Variants in TUBB3 observed in about 807,000 individuals in gnomAD.
The protein encoded by TUBB3 is tubulin beta 3 class III.
Under a neutral mutation model 37.8 loss-of-function variants are expected in TUBB3, and 17 were observed. The ratio of observed to expected loss-of-function variants is 0.45; its 90% CI spans 0.31 to 0.67. The LOEUF is 0.67. Among genes scored for constraint, TUBB3 ranks in the 30% least tolerant of loss-of-function variants. TUBB3 has a pLI of 0.07. For synonymous variants in TUBB3, 332 were observed against 278.9 expected (o/e 1.19, Z -1.90); for missense variants, 262 against 657.9 (o/e 0.40, Z 6.58).
intron 3 of TUBB3, 170 bp from the exon 4 acceptor site, chr16:89,934,559 C>G: frequency 1.4e-6 from 1 of 706,580 alleles, no homozygotes; most frequent in Non-Finnish European, 2.5e-6. Flanking sequence ...AGCATCGGCT[C>G]AGGGAAGCCA....
At chr16:89,934,701 G>C (rs778174207) in intron 3 of TUBB3, 28 bp from the exon 4 acceptor site, 2 of 1,610,832 alleles carry the variant, frequency 1.2e-6, no homozygotes, top group Non-Finnish European at 1.7e-6. Flanking sequence ...CCTGGCCCCT[G>C]TCTCTTACCC....
intron 1 of TUBB3, chr16:89,932,054 T>A (rs1222892863): frequency 3.4e-6 from 1 of 292,624 alleles, no homozygotes; most frequent in African/African-American, 2.2e-5. Context: ...GCCAGTAATG[T>A]CCTGGCACCA....
At chr16:89,929,824 C>A (rs2030217835) in intron 1 of TUBB3, among the ~76,000 whole-genome samples, 1 of 152,088 alleles carries the variant, frequency 6.6e-6, no homozygotes, top group African/African-American at 2.4e-5. Flanking sequence ...CCTCAGCCTC[C>A]CAAGCAGCTG....
At chr16:89,923,758 C>T (rs1288731478) in intron 1 of TUBB3, among the ~76,000 whole-genome samples, 3 of 152,178 alleles carry the variant, frequency 2.0e-5, no homozygotes, top group Admixed American at 1.3e-4. Flanking sequence ...CGGGCCTCCG[C>T]AGGTGCAGCT....
chr16:89,923,292 G>A (rs1597417848), upstream of TUBB3: 1 of 923,228 alleles, frequency 1.1e-6, no homozygotes, highest in East Asian at 3.9e-5. Flanking sequence ...ATCAGCCGAT[G>A]CGAAGGGCGG....
chr16:89,924,305 G>A (rs1015995339), intron 1 of TUBB3, among the ~76,000 whole-genome samples: 4 of 152,246 alleles, frequency 2.6e-5, no homozygotes, highest in Admixed American at 2.6e-4. Context: ...GGTCCTGGGA[G>A]GCTGTCCCTG....
Position 89,935,910 on chromosome 16 carries a change from C to T in TUBB3, c.*106C>T. On this transcript the variant is annotated 3_prime_UTR_variant, in exon 4 of 4. Coordinates refer to ENST00000315491, the MANE Select transcript of TUBB3 (RefSeq NM_006086.4). ...TGCCGACACCCTGCTTTCCCCTCGCCCTAGGGCTCCCTTGCCGCCCTCCTG... is the reference window on the plus strand; with the variant it reads ...TGCCGACACCCTGCTTTCCCCTCGCTCTAGGGCTCCCTTGCCGCCCTCCTG... 7.1e-7 allele frequency: 1 copy of T among 1,399,794 alleles called. No individual in the cohort carries two copies. Among genetic ancestry groups the T allele is most frequent in the Non-Finnish European group, 9.6e-7 (1 of 1,037,320 alleles). The allele number at this position is 1,399,794 out of a possible 1,614,324, so 86.7% of individuals were successfully genotyped here. A position where few individuals can be genotyped will look rare whatever the true frequency, so the allele number is the denominator to read the frequency against.
chr16:89,923,680 C>G (rs1473030197), intron 1 of TUBB3, among the ~76,000 whole-genome samples: 1 of 152,212 alleles, frequency 6.6e-6, no homozygotes, highest in Non-Finnish European at 1.5e-5. Context: ...CGAGGCGCAG[C>G]TCACGTCAGT....
intron 1 of TUBB3, among the ~76,000 whole-genome samples, chr16:89,924,524 A>G (rs2030002806): frequency 6.6e-6 from 1 of 151,328 alleles, no homozygotes; most frequent in African/African-American, 2.4e-5. Flanking sequence ...GGGCTGGTGC[A>G]GCGCTGATTC....
chr16:89,929,140 T>G (rs1342296567), intron 1 of TUBB3, among the ~76,000 whole-genome samples: 2 of 152,046 alleles, frequency 1.3e-5, no homozygotes, highest in Admixed American at 1.3e-4. Context: ...TTTTTGTATT[T>G]TTAGTAGGGA....
At chr16:89,923,163 G>T (rs554890349), upstream of TUBB3, 56 of 183,780 alleles carry the variant, frequency 3.0e-4, no homozygotes, top group Non-Finnish European at 5.5e-4. Context: ...AGCGCTGGGG[G>T]ATCCTTGGCT....
At chr16:89,931,449 G>C (rs1032049525) in intron 1 of TUBB3, among the ~76,000 whole-genome samples, 1 of 152,238 alleles carries the variant, frequency 6.6e-6, no homozygotes, top group African/African-American at 2.4e-5. Flanking sequence ...TGTGTCCCAG[G>C]AGGCCTGCTG....
rs772991469 is a variant in TUBB3, at chr16:89,933,454, C to T, written c.167-14C>T. The T allele has an allele frequency of 4.4e-6, 7 of 1,608,128 alleles. No individual in the cohort carries two copies. Among genetic ancestry groups the T allele is most frequent in the Non-Finnish European group, 6.0e-6 (7 of 1,174,580 alleles). ...CTCTGTGACCCGAATCACCGAGCCC[C>T]TCTCTCCCCTCAGCTCACAAGTACG... On this transcript the variant is annotated splice_polypyrimidine_tract_variant and intron_variant, in intron 2 of 3. Coordinates refer to ENST00000315491, the MANE Select transcript of TUBB3 (RefSeq NM_006086.4).
chr16:89,924,639 T>C (rs1223328980), intron 1 of TUBB3, among the ~76,000 whole-genome samples: 1 of 151,680 alleles, frequency 6.6e-6, no homozygotes. Context: ...AAAAAGCTAA[T>C]TACAACAGGG....
At chr16:89,933,865 A>G (rs1455817129) in intron 3 of TUBB3, 2 of 683,150 alleles carry the variant, frequency 2.9e-6, no homozygotes, top group African/African-American at 3.5e-5. Flanking sequence ...CCTCCAGAGG[A>G]CTCCGGGGTC....
At chr16:89,924,108 G>T (rs1449372503) in intron 1 of TUBB3, among the ~76,000 whole-genome samples, 1 of 152,236 alleles carries the variant, frequency 6.6e-6, no homozygotes, top group Non-Finnish European at 1.5e-5. Flanking sequence ...CGCCCACCCA[G>T]GGTCTACCAG....
At position 89,935,541 on chromosome 16, in the gene TUBB3, T is replaced by A; in HGVS notation, c.1090T>A (p.Ser364Thr). Residue 364 changes from serine to threonine, a missense_variant, in exon 4 of 4, where the codon TCC becomes ACC. Coordinates refer to ENST00000315491, the MANE Select transcript of TUBB3 (RefSeq NM_006086.4). ...CDIPPRGLKM[S>T]STFIGNSTAI... ...CATCCCGCCCCGCGGCCTCAAGATG[T>A]CCTCCACCTTCATCGGGAACAGCAC... 6.2e-7 allele frequency: 1 copy of A among 1,614,118 alleles called. No individual in the cohort carries two copies. The highest frequency in any genetic ancestry group is 8.5e-7 in the Non-Finnish European group (1 of 1,180,038).
At chr16:89,925,044 T>A (rs1266682984) in intron 1 of TUBB3, among the ~76,000 whole-genome samples, 1 of 152,036 alleles carries the variant, frequency 6.6e-6, no homozygotes, top group African/African-American at 2.4e-5. Flanking sequence ...GGGTTTCTCC[T>A]TCTATGGCTG....
At chr16:89,923,136 C>G (rs1225008331), upstream of TUBB3, 2 of 172,610 alleles carry the variant, frequency 1.2e-5, no homozygotes, top group Admixed American at 1.3e-4. Context: ...GCGGGGCCCT[C>G]AGACCGCGCC....
Sources: allele counts gnomAD v4.1 joint callset (sites outside exome capture counted in the v4.1 genomes callset), GRCh38; gene constraint gnomAD v4.1.1; transcripts MANE v1.5; gene names NCBI Gene and HGNC (gene_info 2026-07-23, HGNC 2026-07-21).